Variants in EGFL6 observed in about 807,000 individuals in gnomAD.
EGFL6 encodes the protein epidermal growth factor-like protein 6.
A neutral mutation model predicts 43.1 loss-of-function variants in EGFL6; 42 were observed. The ratio of observed to expected loss-of-function variants is 0.98; its 90% confidence interval spans 0.76 to 1.26. EGFL6 has a LOEUF of 1.26. Among genes scored for constraint, EGFL6 ranks in the 50% most tolerant of loss-of-function variants. EGFL6 has a pLI of 0.00. For missense variants in EGFL6, 429 were observed against 427.8 expected (o/e 1.00, Z -0.02); for synonymous variants, 164 against 163.2 (o/e 1.01, Z -0.04).
intron 5 of EGFL6, 74 bp from the exon 6 acceptor site, chrX:13,606,305 G>A (rs984266737): frequency 3.3e-5 from 35 of 1,068,556 alleles, no homozygotes; most frequent in Middle Eastern, 2.5e-4. Context: ...AAAAGTAGCT[G>A]TGAGTGTGCG....
intron 9 of EGFL6, among the ~76,000 whole-genome samples, chrX:13,621,191 TG>T (rs2045746646): frequency 8.9e-6 from 1 of 112,328 alleles, no homozygotes; most frequent in African/African-American, 3.2e-5. Flanking sequence ...AAATGGTGGT[TG>T]GGGGTGTGCA....
chrX:13,598,569 T>C (rs2045613251), intron 3 of EGFL6, among the ~76,000 whole-genome samples: 1 of 109,064 alleles, frequency 9.2e-6, no homozygotes, highest in Admixed American at 1.0e-4. Context: ...GTTGTTGTTG[T>C]TGTTGTTGTT....
chrX:13,570,019 C>T (rs1307946408), intron 1 of EGFL6, 84 bp downstream of exon 1: 4 of 893,636 alleles, frequency 4.5e-6, no homozygotes, highest in Admixed American at 2.4e-5. Flanking sequence ...CAGGCACCCC[C>T]GCGTGTATGG....
intron 11 of EGFL6, among the ~76,000 whole-genome samples, chrX:13,631,731 G>A (rs1165557583): frequency 8.9e-6 from 1 of 111,857 alleles, no homozygotes; most frequent in Non-Finnish European, 1.9e-5. Flanking sequence ...AGGTTGCAGT[G>A]AGCTGAGATT....
rs909790234 is a variant in EGFL6, at chrX:13,633,430, G to C, written c.*335G>C. ...TCTAGAAAATAGAAAAAAAAGCACA[G>C]AGAAATGTTTAACTGTTTGACTCTT... On this transcript the variant is annotated 3_prime_UTR_variant, in exon 12 of 12. Transcript: ENST00000361306. The C allele has an allele frequency of 1.4e-5, 2 of 139,072 alleles. No individual in the cohort carries two copies. The highest frequency in any genetic ancestry group is 8.7e-5 in the Admixed American group (1 of 11,482). The allele number at this position is 139,072 out of a possible 1,213,427, so 11.5% of individuals were successfully genotyped here.
rs759174813 is a variant in EGFL6, at chrX:13,632,484, A to T, written c.1552-501A>T. 9.2e-5 allele frequency among the ~76,000 whole-genome samples: 10 copies of T among 108,170 alleles called. No homozygotes were observed. In the South Asian group the frequency reaches 3.7e-3, roughly 40 times the overall value. 93.9% of individuals were successfully genotyped at this position (108,170 alleles called of 115,157 possible). On this transcript the variant is annotated intron_variant, in intron 11 of 11. Transcript: ENST00000361306. ...GCCCGGCTAATTTGTTTGTATTTTT[A>T]GTAGAGACGGGGTTTCACTGTGTGT...
chrX:13,616,228 G>A (rs1191149968), intron 7 of EGFL6, among the ~76,000 whole-genome samples: 5 of 111,861 alleles, frequency 4.5e-5, no homozygotes, highest in African/African-American at 1.6e-4. Context: ...TTGAATTATA[G>A]ATCTCAAGGA....
At chrX:13,591,795 C>G (rs771876435) in intron 2 of EGFL6, among the ~76,000 whole-genome samples, 7 of 111,176 alleles carry the variant, frequency 6.3e-5, no homozygotes, top group Non-Finnish European at 9.4e-5. Flanking sequence ...AGCTCTCAGC[C>G]TCTACCCTGT....
chrX:13,601,124 C>A (rs2045632093), intron 4 of EGFL6, among the ~76,000 whole-genome samples: 1 of 111,466 alleles, frequency 9.0e-6, no homozygotes, highest in African/African-American at 3.3e-5. Flanking sequence ...TGTTGAGTTT[C>A]CTCATGAAAA....
At chrX:13,574,719 T>C (rs1429896075) in intron 1 of EGFL6, 2 of 100,482 alleles carry the variant, frequency 2.0e-5, no homozygotes, top group Non-Finnish European at 3.9e-5. Flanking sequence ...AGACTGTGGC[T>C]GCAAAAAAGA....
Position 13,599,981 on chromosome X carries a change from A to G in EGFL6, c.287A>G (p.Asn96Ser). 1 of 1,210,437 alleles carries G rather than the reference A, an allele frequency of 8.3e-7. No individual in the cohort carries two copies. The highest frequency in any genetic ancestry group is 1.1e-6 in the Non-Finnish European group (1 of 894,629). The change falls in exon 4 of 12, where the codon AAT (asparagine) becomes AGT (serine). Residue 96 changes from asparagine (N) to serine (S), a missense_variant. Coordinates refer to ENST00000361306, the MANE Select transcript of EGFL6 (RefSeq NM_015507.4). The part of the protein sequence containing the change: ...YTGKTCSQDV[N>S]ECGMKPRPCQ... ...TTTCTAAATGTCCCTGCAGATGTGA[A>G]TGAGTGTGGAATGAAACCCCGGCCA...
rs776837152 is a variant in EGFL6, at chrX:13,594,786, C to T, written c.188-50C>T. 4 of 1,138,901 alleles carry T rather than the reference C, an allele frequency of 3.5e-6. No homozygotes were observed. The Admixed American group carries it at 8.9e-5, about 25-fold the overall frequency. 93.9% of individuals were successfully genotyped at this position (1,138,901 alleles called of 1,213,427 possible). On this transcript the variant is annotated intron_variant, in intron 2 of 11. Coordinates refer to ENST00000361306, the MANE Select transcript of EGFL6 (RefSeq NM_015507.4). Reference sequence around the variant, plus strand: ...GCAGCGAAGTTTTGCGTGCATTTCACTACACTAACTACTGTTCTTTTATCA... The same window carrying T: ...GCAGCGAAGTTTTGCGTGCATTTCATTACACTAACTACTGTTCTTTTATCA...
At chrX:13,604,712 A>G (rs908375251) in intron 5 of EGFL6, among the ~76,000 whole-genome samples, 2 of 112,184 alleles carry the variant, frequency 1.8e-5, no homozygotes, top group Admixed American at 9.4e-5. Context: ...ATTGCACCTA[A>G]TATACATAAT....
chrX:13,598,811 C>CATATATATAATTCAT (rs1394977609), intron 3 of EGFL6, among the ~76,000 whole-genome samples: 1 of 103,064 alleles, frequency 9.7e-6, no homozygotes, highest in Non-Finnish European at 1.9e-5. Flanking sequence ...ATATAATTCA[C>CATATATATAATTCAT]ATATATATAA....
rs566486188 is a variant in EGFL6, at chrX:13,632,215, C to CAA, written c.1552-760_1552-759dup. Among the ~76,000 whole-genome samples the CAA allele has an allele frequency of 4.9e-3, 353 of 71,384 alleles. 2 individuals carry two copies. The highest frequency in any genetic ancestry group is 0.017 in the African/African-American group (339 of 19,418). 62.0% of individuals were successfully genotyped at this position (71,384 alleles called of 115,157 possible). On this transcript the variant is annotated intron_variant, in intron 11 of 11. Transcript: ENST00000361306. ...CCAGCAACAGAGTGAGACTCCGTCT[C>CAA]AAAAAAAAAAAGAAAAATAATTACA...
At chrX:13,599,847 A>T in intron 3 of EGFL6, 128 bp from the exon 4 acceptor site, 1 of 608,643 alleles carries the variant, frequency 1.6e-6, no homozygotes, top group South Asian at 3.1e-5. Context: ...GTCAGAGAGA[A>T]GGTGGGTAAG....
rs140541069 is a variant in EGFL6, at chrX:13,587,673, G to C, written c.75-1883G>C. Among the ~76,000 whole-genome samples, 1,037 of 111,850 alleles carry C rather than the reference G, an allele frequency of 9.3e-3. 11 individuals are homozygous for C. The highest frequency in any genetic ancestry group is 0.032 in the African/African-American group (989 of 30,784). ...TGTTAGGAATATACAAATTAGATTA[G>C]ACACATGGCTGCATTATTTCTCAGT... On this transcript the variant is annotated intron_variant, in intron 1 of 11. Coordinates refer to ENST00000361306, the MANE Select transcript of EGFL6 (RefSeq NM_015507.4).
At chrX:13,631,906 G>A (rs986687876) in intron 11 of EGFL6, among the ~76,000 whole-genome samples, 2 of 112,044 alleles carry the variant, frequency 1.8e-5, no homozygotes, top group African/African-American at 6.5e-5. Flanking sequence ...AATAGTCACT[G>A]TATATCCTTA....
Position 13,608,461 on chromosome X carries a change from G to A in EGFL6, c.778+15G>A. On this transcript the variant is annotated intron_variant, in intron 7 of 11. Coordinates refer to ENST00000361306, the MANE Select transcript of EGFL6 (RefSeq NM_015507.4). ...TCGGTGTTCTGGTAAGTAGCATTTG[G>A]TCATGGTGTCTTAGCTATTCCCAAT... 4 of 1,206,423 alleles carry A rather than the reference G, an allele frequency of 3.3e-6. No individual in the cohort carries two copies. The highest frequency in any genetic ancestry group is 4.5e-6 in the Non-Finnish European group (4 of 892,019).
Sources: allele counts gnomAD v4.1 joint callset (sites outside exome capture counted in the v4.1 genomes callset), GRCh38; gene constraint gnomAD v4.1.1; transcripts MANE v1.5; gene names NCBI Gene and HGNC (gene_info 2026-07-23, HGNC 2026-07-21).